Variants in DYNC2I2 observed in about 807,000 individuals in gnomAD.
DYNC2I2 encodes cytoplasmic dynein 2 intermediate chain 2.
A neutral mutation model predicts 52.0 loss-of-function variants in DYNC2I2; 39 were observed. The observed-to-expected ratio is 0.75, with a 90% confidence interval of 0.58 to 0.98. DYNC2I2 has a LOEUF of 0.98. Among genes scored for constraint, DYNC2I2 ranks in the 50% least tolerant of loss-of-function variants. The pLI is 0.00. For synonymous variants in DYNC2I2, 359 were observed against 321.1 expected, an observed-to-expected ratio of 1.12 and a Z score of -1.26; for missense variants, 743 against 728.4, an observed-to-expected ratio of 1.02 and a Z score of -0.23.
the DYNC2I2 span, among the ~76,000 whole-genome samples, chr9:128,668,115 T>C: frequency 1.0e-3 from 155 of 151,386 alleles, 2 homozygotes; most frequent in South Asian, 0.016. Context: ...CGTGAGCCAC[T>C]ATGCCCAGCT....
intron 1 of DYNC2I2, among the ~76,000 whole-genome samples, chr9:128,643,878 G>A (rs1195125945): frequency 1.3e-5 from 2 of 152,216 alleles, no homozygotes; most frequent in Non-Finnish European, 2.9e-5. Context: ...GAGGCACCAA[G>A]TATTCCCGGG....
At chr9:128,657,556 A>G (rs1388721367), upstream of DYNC2I2, among the ~76,000 whole-genome samples, 1 of 152,142 alleles carries the variant, frequency 6.6e-6, no homozygotes, top group African/African-American at 2.4e-5. Context: ...TAATCCCGGT[A>G]CTTTGAGAGG....
At chr9:128,665,827 C>T in the DYNC2I2 span, among the ~76,000 whole-genome samples, 2 of 143,868 alleles carry the variant, frequency 1.4e-5, no homozygotes, top group African/African-American at 2.6e-5. Flanking sequence ...AATTCCAACA[C>T]TTTGGGAGGC....
chr9:128,668,549 G>A, the DYNC2I2 span, among the ~76,000 whole-genome samples: 15 of 151,416 alleles, frequency 9.9e-5, no homozygotes, highest in African/African-American at 1.9e-4. Context: ...AAGGCTGGGC[G>A]CAGTGGCTCA....
the DYNC2I2 span, among the ~76,000 whole-genome samples, chr9:128,670,354 C>G: frequency 6.6e-6 from 1 of 151,528 alleles, no homozygotes; most frequent in Non-Finnish European, 1.5e-5. Flanking sequence ...GCAGGAAAAT[C>G]GCTTGAACCT....
At position 128,655,335 on chromosome 9, in the gene DYNC2I2, T is replaced by TAAAAAA. The variant is rs869197100; in HGVS notation, c.186+1200_186+1205dup. On this transcript the variant is annotated intron_variant, in intron 1 of 8. Coordinates refer to ENST00000372715, the MANE Select transcript of DYNC2I2 (RefSeq NM_052844.4). ...TAACACGGTGAAACCCCGTCTCTAC[T>TAAAAAA]AAAAAAAAAAAAAAAAAAAAAAAAA... Among the ~76,000 whole-genome samples the TAAAAAA allele has an allele frequency of 1.3e-3, 24 of 18,692 alleles. 1 individual carries two copies. The highest frequency in any genetic ancestry group is 2.8e-3 in the African/African-American group (19 of 6,676). 12.3% of individuals were successfully genotyped at this position (18,692 alleles called of 152,430 possible).
chr9:128,652,206 C>CA (rs1860728732), intron 1 of DYNC2I2: 1 of 149,842 alleles, frequency 6.7e-6, no homozygotes, highest in Non-Finnish European at 1.5e-5. Flanking sequence ...CCAAGGTGGG[C>CA]AGATCACCTG....
chr9:128,661,816 C>T (rs924987785), upstream of DYNC2I2, among the ~76,000 whole-genome samples: 5 of 151,648 alleles, frequency 3.3e-5, no homozygotes, highest in Admixed American at 6.6e-5. Flanking sequence ...CCGAGGTAGG[C>T]GGATCACCTG....
At chr9:128,638,825 T>C (rs1198230846) in intron 2 of DYNC2I2, among the ~76,000 whole-genome samples, 1 of 152,182 alleles carries the variant, frequency 6.6e-6, no homozygotes, top group African/African-American at 2.4e-5. Context: ...GCTAAATGAA[T>C]GTGGTCTGTC....
chr9:128,640,985 A>C, intron 1 of DYNC2I2, 46 bp from the exon 2 acceptor site: 1 of 1,541,328 alleles, frequency 6.5e-7, no homozygotes, highest in Non-Finnish European at 8.7e-7. Context: ...CTGTCCTCGC[A>C]CAGCCCCCAC....
Position 128,633,810 on chromosome 9 carries a change from C to T in DYNC2I2, c.1545G>A (p.Glu515=). The T allele has an allele frequency of 1.2e-6, 2 of 1,613,624 alleles. No individual in the cohort carries two copies. Among genetic ancestry groups the T allele is most frequent in the Non-Finnish European group, 1.7e-6 (2 of 1,180,040 alleles). Residue 515 remains glutamate, a synonymous_variant, in exon 9 of 9, where the codon GAG becomes GAA. Transcript: ENST00000372715. ...CTTCCCGGGGCCCTTGTTCCGTGAA[C>T]TCTGTGCTCAGCTGCCACACCTTCA... ...GTVKVWQLST[E]FTEQGPREAE...
At position 128,635,650 on chromosome 9, in the gene DYNC2I2, G is replaced by C. The variant is rs751936689; in HGVS notation, c.813+8C>G. 1.3e-6 allele frequency: 2 copies of C among 1,598,386 alleles called. No individual in the cohort carries two copies. Among genetic ancestry groups the C allele is most frequent in the South Asian group, 2.3e-5 (2 of 88,784 alleles). On this transcript the variant is annotated splice_region_variant and intron_variant, in intron 5 of 8. Transcript: ENST00000372715. Reference sequence around the variant, plus strand: ...GGGCCCACCCCGCCCGGCAGCCCCTGCCCTGACCTGGGACACAGGGTCTGT... The same window carrying C: ...GGGCCCACCCCGCCCGGCAGCCCCTCCCCTGACCTGGGACACAGGGTCTGT...
At chr9:128,683,764 T>C in the DYNC2I2 span, 2 of 706,094 alleles carry the variant, frequency 2.8e-6, no homozygotes, top group Non-Finnish European at 4.6e-6. Flanking sequence ...CACTGTCATG[T>C]AAATATCCCT....
chr9:128,666,266 C>T, the DYNC2I2 span, among the ~76,000 whole-genome samples: 1 of 150,634 alleles, frequency 6.6e-6, no homozygotes, highest in South Asian at 2.1e-4. Flanking sequence ...CCTGTAATTC[C>T]ATCTATTTGG....
At position 128,634,266 on chromosome 9, in the gene DYNC2I2, G is replaced by A. The variant is rs376351607; in HGVS notation, c.1332C>T (p.Ser444=). Residue 444 remains serine (S), a synonymous_variant, in exon 8 of 9, where the codon TCC becomes TCT. Coordinates refer to ENST00000372715, the MANE Select transcript of DYNC2I2 (RefSeq NM_052844.4). ...SLKYLFAVRW[S]PVRPLVFAAA... Reference sequence around the variant, plus strand: ...CTGCAAAAACCAAGGGCCGCACTGGGGACCAGCGCACAGCAAACAGATACT... The same window carrying A: ...CTGCAAAAACCAAGGGCCGCACTGGAGACCAGCGCACAGCAAACAGATACT... 12 of 1,613,810 alleles carry A rather than the reference G, an allele frequency of 7.4e-6. No homozygotes were observed. The highest frequency in any genetic ancestry group is 1.3e-5 in the African/African-American group (1 of 74,928).
At chr9:128,646,752 G>A (rs1309868719) in intron 1 of DYNC2I2, among the ~76,000 whole-genome samples, 4 of 152,228 alleles carry the variant, frequency 2.6e-5, no homozygotes, top group Admixed American at 6.5e-5. Flanking sequence ...GGAGGCCAAT[G>A]AAGGTGGATC....
intron 3 of DYNC2I2, 150 bp downstream of exon 3, chr9:128,636,768 G>T: frequency 3.0e-6 from 2 of 673,732 alleles, no homozygotes; most frequent in East Asian, 5.5e-5. Context: ...TCTGCCACTT[G>T]TTGTCAACCC....
At chr9:128,657,968 C>A (rs975936816), upstream of DYNC2I2, among the ~76,000 whole-genome samples, 1 of 152,082 alleles carries the variant, frequency 6.6e-6, no homozygotes, top group Non-Finnish European at 1.5e-5. Context: ...TGGCACACAC[C>A]TGTAGTCCCA....
chr9:128,670,226 G>C, the DYNC2I2 span, among the ~76,000 whole-genome samples: 1 of 152,150 alleles, frequency 6.6e-6, no homozygotes. Flanking sequence ...ATCACCGGAA[G>C]TCAGGAGTTT....
Sources: gnomAD v4.1 joint callset for allele counts (sites outside exome capture counted in the v4.1 genomes callset) on GRCh38, gnomAD v4.1.1 for gene constraint, MANE v1.5 for transcripts, NCBI Gene and HGNC (gene_info 2026-07-23, HGNC 2026-07-21) for gene names.